The following SLC24A2 variants were observed in gnomAD, a reference collection of about 807,000 sequenced individuals.
SLC24A2 encodes the protein sodium/potassium/calcium exchanger 2.
Under a neutral mutation model 62.0 loss-of-function variants are expected in SLC24A2, and 36 were observed. The observed-to-expected ratio is 0.58, with a 90% CI of 0.44 to 0.77. The LOEUF (loss-of-function observed/expected upper bound fraction) is 0.77. Among genes scored for constraint, SLC24A2 ranks in the 30% least tolerant of loss-of-function variants. SLC24A2 has a pLI of 0.00. For synonymous variants in SLC24A2, 358 were observed against 294.0 expected (o/e 1.22, Z -2.23); for missense variants, 846 against 817.9 (o/e 1.03, Z -0.42).
intron 9 of SLC24A2, among the ~76,000 whole-genome samples, chr9:19,522,115 C>CT (rs1833233850): frequency 6.6e-6 from 1 of 152,204 alleles, no homozygotes; most frequent in Non-Finnish European, 1.5e-5. Flanking sequence ...CTCAAGCGAT[C>CT]TTCCAACCTT....
At chr9:19,733,270 G>A (rs975153461) in intron 2 of SLC24A2, among the ~76,000 whole-genome samples, 1 of 152,074 alleles carries the variant, frequency 6.6e-6, no homozygotes, top group Non-Finnish European at 1.5e-5. Flanking sequence ...ATTTGTGAAT[G>A]CATTTCACAT....
chr9:19,923,040 T>TA, the SLC24A2 span, among the ~76,000 whole-genome samples: 50 of 150,812 alleles, frequency 3.3e-4, no homozygotes, highest in African/African-American at 1.1e-3. Context: ...ACCAGTTTTT[T>TA]AAAAAAAATG....
chr9:19,674,425 G>T (rs757013847), intron 2 of SLC24A2, among the ~76,000 whole-genome samples: 1 of 152,082 alleles, frequency 6.6e-6, no homozygotes, highest in East Asian at 1.9e-4. Flanking sequence ...TAGCAAGGCC[G>T]GGGAAGTTTT....
chr9:19,980,253 G>T, the SLC24A2 span, among the ~76,000 whole-genome samples: 6 of 152,200 alleles, frequency 3.9e-5, no homozygotes, highest in African/African-American at 7.2e-5. Context: ...TGGGGCATGT[G>T]ATTCTGCATT....
the SLC24A2 span, among the ~76,000 whole-genome samples, chr9:20,074,335 G>C: frequency 6.6e-6 from 1 of 151,832 alleles, no homozygotes; most frequent in Non-Finnish European, 1.5e-5. Flanking sequence ...ATTGCTTTGT[G>C]TGTGTGCCTA....
chr9:19,626,873 A>G (rs1424482963), intron 2 of SLC24A2, among the ~76,000 whole-genome samples: 3 of 152,226 alleles, frequency 2.0e-5, no homozygotes, highest in African/African-American at 7.2e-5. Flanking sequence ...TATTGGGAAG[A>G]CTAGATACAA....
rs202225997 is a variant in SLC24A2 at position 19,572,111 on chromosome 9, C to CAA, written c.1347+1238_1347+1239dup. The stretch of plus-strand genomic sequence containing the variant: ...TGAAACCCCATCTCTACTAAAAATG[C>CAA]AAAAAAAAAAAATTAGCCGGGTGTG... On this transcript the variant is annotated intron_variant, in intron 7 of 10. Transcript: ENST00000341998. Among the ~76,000 whole-genome samples the CAA allele has an allele frequency of 5.6e-3, 801 of 142,726 alleles. 9 individuals are homozygous for CAA. Among genetic ancestry groups the CAA allele is most frequent in the African/African-American group, 0.019 (760 of 39,102 alleles). 93.6% of individuals were successfully genotyped at this position (142,726 alleles called of 152,430 possible).
chr9:19,847,943 G>A, the SLC24A2 span, among the ~76,000 whole-genome samples: 1 of 152,158 alleles, frequency 6.6e-6, no homozygotes, highest in Non-Finnish European at 1.5e-5. Flanking sequence ...TCGGATGGCG[G>A]CAGAGGTTCA....
the SLC24A2 span, among the ~76,000 whole-genome samples, chr9:19,887,126 T>C: frequency 1.2e-4 from 19 of 152,270 alleles, no homozygotes; most frequent in African/African-American, 3.8e-4. Flanking sequence ...GATGAGTTGA[T>C]AGGTGCAGCA....
chr9:19,679,694 T>C (rs1301334682), intron 2 of SLC24A2, among the ~76,000 whole-genome samples: 1 of 152,182 alleles, frequency 6.6e-6, no homozygotes, highest in Non-Finnish European at 1.5e-5. Context: ...TGGTCATTGA[T>C]GCTCCTGGTT....
the SLC24A2 span, among the ~76,000 whole-genome samples, chr9:20,218,450 C>G: frequency 0.99 from 150,863 of 152,236 alleles, 74,762 homozygotes; most frequent in East Asian, 1. Context: ...ACACGTGTGT[C>G]TGCTTGTGTC....
intron 2 of SLC24A2, among the ~76,000 whole-genome samples, chr9:19,669,423 G>A (rs1208557583): frequency 6.6e-6 from 1 of 152,186 alleles, no homozygotes; most frequent in Non-Finnish European, 1.5e-5. Context: ...TGTCCAAAAT[G>A]TCAACAATGC....
the SLC24A2 span, among the ~76,000 whole-genome samples, chr9:20,219,832 C>T: frequency 6.6e-6 from 1 of 152,102 alleles, no homozygotes; most frequent in Admixed American, 6.6e-5. Flanking sequence ...TGTCAATAAA[C>T]AATTTCATAA....
chr9:20,087,042 C>A, the SLC24A2 span, among the ~76,000 whole-genome samples: 2 of 152,138 alleles, frequency 1.3e-5, no homozygotes, highest in African/African-American at 4.8e-5. Flanking sequence ...ATTATATTTT[C>A]CATGTGGAAA....
intron 2 of SLC24A2, among the ~76,000 whole-genome samples, chr9:19,768,074 C>T (rs562949509): frequency 6.6e-6 from 1 of 152,212 alleles, no homozygotes; most frequent in South Asian, 2.1e-4. Flanking sequence ...ATCCATTAAT[C>T]CATGGGTAAA....
chr9:19,925,714 A>G, the SLC24A2 span, among the ~76,000 whole-genome samples: 1 of 152,190 alleles, frequency 6.6e-6, no homozygotes, highest in Non-Finnish European at 1.5e-5. Flanking sequence ...TAGGGAGTGG[A>G]GTCTAGACAA....
At chr9:20,056,503 T>G in the SLC24A2 span, among the ~76,000 whole-genome samples, 1 of 152,218 alleles carries the variant, frequency 6.6e-6, no homozygotes, top group African/African-American at 2.4e-5. Flanking sequence ...GTTCTTACAG[T>G]GTTGATCATC....
the SLC24A2 span, among the ~76,000 whole-genome samples, chr9:20,111,246 T>A: frequency 6.6e-6 from 1 of 152,198 alleles, no homozygotes; most frequent in Admixed American, 6.5e-5. Flanking sequence ...AGACATATAT[T>A]CCTATCCCTC....
chr9:19,690,386 G>A (rs1318153913), intron 2 of SLC24A2, among the ~76,000 whole-genome samples: 1 of 152,056 alleles, frequency 6.6e-6, no homozygotes, highest in Non-Finnish European at 1.5e-5. Context: ...GGGCTTGCAG[G>A]GACTGGTAAG....
Sources: allele counts gnomAD v4.1 joint callset (sites outside exome capture counted in the v4.1 genomes callset), GRCh38; gene constraint gnomAD v4.1.1; transcripts MANE v1.5; gene names NCBI Gene and HGNC (gene_info 2026-07-23, HGNC 2026-07-21).